The following NELL1 variants were observed in gnomAD, a reference collection of about 807,000 sequenced individuals.
NELL1 encodes protein kinase C-binding protein NELL1.
In NELL1, 76 loss-of-function variants were observed where a neutral mutation model predicts 107.4. The ratio of observed to expected loss-of-function variants is 0.71; its 90% CI spans 0.59 to 0.86. The LOEUF is 0.86. Ranked by LOEUF, NELL1 falls within the 40% of genes least tolerant of loss-of-function variation. The probability of loss-of-function intolerance (pLI) is 0.00; values close to 1 mark genes in which losing one functional copy is unlikely to be tolerated. For synonymous variants in NELL1, 353 were observed against 341.2 expected, an observed-to-expected ratio of 1.03 and a Z score of -0.38; for missense variants, 1,024 against 1,005.5, an observed-to-expected ratio of 1.02 and a Z score of -0.25.
intron 13 of NELL1, among the ~76,000 whole-genome samples, chr11:21,164,814 A>C (rs2133804793): frequency 6.6e-6 from 1 of 152,306 alleles, no homozygotes; most frequent in East Asian, 1.9e-4. Flanking sequence ...TTATGAAGCC[A>C]CTTCATGGGA....
chr11:21,372,849 G>T (rs1300840250), intron 15 of NELL1, among the ~76,000 whole-genome samples: 6 of 151,986 alleles, frequency 3.9e-5, no homozygotes, highest in Admixed American at 2.0e-4. Context: ...AATTGATTAT[G>T]GTGTCTCATG....
chr11:21,372,109 G>C, intron 15 of NELL1, among the ~76,000 whole-genome samples: 1 of 151,748 alleles, frequency 6.6e-6, no homozygotes, highest in South Asian at 2.1e-4. Context: ...AATAATAACT[G>C]TTTTTTCTTA....
chr11:20,908,584 AG>A (rs1273912689), intron 5 of NELL1, among the ~76,000 whole-genome samples: 2 of 152,068 alleles, frequency 1.3e-5, no homozygotes, highest in Non-Finnish European at 2.9e-5. Context: ...GGGAATTTAG[AG>A]GACAGGTCAA....
chr11:21,411,522 G>A (rs949075701), intron 15 of NELL1, among the ~76,000 whole-genome samples: 1 of 152,036 alleles, frequency 6.6e-6, no homozygotes, highest in African/African-American at 2.4e-5. Flanking sequence ...GGGTGTTTGT[G>A]TGAAAAAGTT....
intron 15 of NELL1, among the ~76,000 whole-genome samples, chr11:21,500,963 G>A (rs901634221): frequency 1.3e-5 from 2 of 152,060 alleles, no homozygotes; most frequent in Non-Finnish European, 2.9e-5. Flanking sequence ...GATATCCAGA[G>A]TATTTAGGTA....
At chr11:21,041,437 G>T (rs1359398331) in intron 12 of NELL1, among the ~76,000 whole-genome samples, 3 of 152,124 alleles carry the variant, frequency 2.0e-5, no homozygotes, top group Admixed American at 2.0e-4. Context: ...TCACGTGAAA[G>T]GTAACTGAGT....
intron 12 of NELL1, among the ~76,000 whole-genome samples, chr11:21,095,880 G>T (rs1001897892): frequency 6.6e-6 from 1 of 152,212 alleles, no homozygotes; most frequent in Non-Finnish European, 1.5e-5. Flanking sequence ...AAAATGCTGG[G>T]ATTATAGATG....
chr11:21,330,283 G>A (rs1008691173), intron 14 of NELL1, among the ~76,000 whole-genome samples: 1 of 152,046 alleles, frequency 6.6e-6, no homozygotes, highest in Admixed American at 6.6e-5. Context: ...CATTTATACT[G>A]TCTTTAAAAA....
chr11:21,274,431 C>G (rs548639607), intron 14 of NELL1, among the ~76,000 whole-genome samples: 19 of 152,316 alleles, frequency 1.2e-4, no homozygotes, highest in East Asian at 5.8e-4. Context: ...GAGACTTAGA[C>G]TCCCACACAA....
chr11:21,078,031 T>C (rs1224002702), intron 12 of NELL1, among the ~76,000 whole-genome samples: 1 of 152,044 alleles, frequency 6.6e-6, no homozygotes, highest in Non-Finnish European at 1.5e-5. Context: ...GTAACAATAA[T>C]AGAGTGTTAC....
intron 14 of NELL1, among the ~76,000 whole-genome samples, chr11:21,251,511 G>A (rs16907775): frequency 0.036 from 5,414 of 151,940 alleles, 110 homozygotes; most frequent in Admixed American, 0.057. Flanking sequence ...TTTAGTTCCA[G>A]TAACATACTA....
chr11:21,114,980 G>A (rs1304276936), intron 13 of NELL1, among the ~76,000 whole-genome samples: 4 of 151,944 alleles, frequency 2.6e-5, no homozygotes, highest in Non-Finnish European at 4.4e-5. Context: ...CCTAGCCCAA[G>A]AGCACCATAT....
intron 12 of NELL1, among the ~76,000 whole-genome samples, chr11:21,065,152 A>G (rs572947680): frequency 1.9e-4 from 29 of 152,266 alleles, no homozygotes; most frequent in Admixed American, 1.2e-3. Context: ...AAAACCTTAT[A>G]GGCTCATAAG....
At chr11:21,195,993 GCAGAATACTTGA>G (rs2133841732) in intron 13 of NELL1, among the ~76,000 whole-genome samples, 1 of 152,322 alleles carries the variant, frequency 6.6e-6, no homozygotes, top group South Asian at 2.1e-4. Flanking sequence ...CTGAGTCAAA[GCAGAATACTTGA>G]CATTTCTTTA....
intron 15 of NELL1, among the ~76,000 whole-genome samples, chr11:21,511,835 T>C (rs926685559): frequency 4.6e-5 from 7 of 152,140 alleles, no homozygotes; most frequent in African/African-American, 1.4e-4. Flanking sequence ...CTAGATCTTA[T>C]AGGGAGTCAT....
chr11:20,705,048 G>A (rs1240123770), intron 2 of NELL1, among the ~76,000 whole-genome samples: 13 of 152,150 alleles, frequency 8.5e-5, no homozygotes, highest in Non-Finnish European at 1.5e-4. Flanking sequence ...CCATGCTCAC[G>A]GGTAGGAAGA....
At chr11:21,072,579 G>T (rs1854041169) in intron 12 of NELL1, among the ~76,000 whole-genome samples, 1 of 152,122 alleles carries the variant, frequency 6.6e-6, no homozygotes, top group African/African-American at 2.4e-5. Flanking sequence ...ATAGGGATAG[G>T]AGAAATAAGA....
intron 12 of NELL1, among the ~76,000 whole-genome samples, chr11:21,041,522 T>A (rs1853231981): frequency 6.6e-6 from 1 of 152,094 alleles, no homozygotes; most frequent in South Asian, 2.1e-4. Flanking sequence ...TCACAACCAC[T>A]CTGGAGAAAA....
intron 10 of NELL1, among the ~76,000 whole-genome samples, chr11:20,938,908 G>GTCTCTCTCTCTCTCTCTCTCTC (rs71443766): frequency 4.0e-4 from 58 of 144,624 alleles, no homozygotes; most frequent in African/African-American, 1.3e-3. Context: ...TTCTCTCTCT[G>GTCTCTCTCTCTCTCTCTCTCTC]TCTCTCTCTC....
Sources: allele counts gnomAD v4.1 joint callset (sites outside exome capture counted in the v4.1 genomes callset), GRCh38; gene constraint gnomAD v4.1.1; transcripts MANE v1.5; gene names NCBI Gene and HGNC (gene_info 2026-07-23, HGNC 2026-07-21).